SUSD4: variants seen among roughly 807,000 people sequenced by gnomAD.
The protein encoded by SUSD4 is sushi domain-containing protein 4.
In SUSD4, 41 loss-of-function variants were observed where a neutral mutation model predicts 50.5. That is an observed-to-expected ratio of 0.81 (90% CI 0.63 to 1.05). The LOEUF (loss-of-function observed/expected upper bound fraction) is 1.05, where lower values mean the gene tolerates loss of function less well. SUSD4 is among the 50% of genes least tolerant of loss of function. The pLI, the probability that SUSD4 is intolerant of heterozygous loss-of-function variation, is 0.00. For synonymous variants in SUSD4, 257 were observed against 257.3 expected, an observed-to-expected ratio of 1.00 and a Z score of 0.01; for missense variants, 580 against 634.7, an observed-to-expected ratio of 0.91 and a Z score of 0.93.
At chr1:223,279,866 C>A (rs538537922) in intron 3 of SUSD4, among the ~76,000 whole-genome samples, 1 of 152,306 alleles carries the variant, frequency 6.6e-6, no homozygotes, top group East Asian at 1.9e-4. Flanking sequence ...CAAAGGGAAA[C>A]CCATCAGACT....
At chr1:223,359,608 C>G (rs1334560804) in intron 2 of SUSD4, among the ~76,000 whole-genome samples, 1 of 152,174 alleles carries the variant, frequency 6.6e-6, no homozygotes, top group Non-Finnish European at 1.5e-5. Flanking sequence ...TTTTCTTGCT[C>G]TCAATCAAAA....
chr1:223,314,387 G>C (rs1666056466), intron 2 of SUSD4, among the ~76,000 whole-genome samples: 1 of 152,142 alleles, frequency 6.6e-6, no homozygotes, highest in Non-Finnish European at 1.5e-5. Context: ...TCTACAACTT[G>C]TGTCACATCT....
chr1:223,330,925 G>C (rs1423895453), intron 2 of SUSD4, among the ~76,000 whole-genome samples: 1 of 152,198 alleles, frequency 6.6e-6, no homozygotes, highest in Non-Finnish European at 1.5e-5. Context: ...AGAGAGAAGG[G>C]AACAGAAAGC....
chr1:223,322,779 C>A (rs1666653683), intron 2 of SUSD4, among the ~76,000 whole-genome samples: 1 of 152,188 alleles, frequency 6.6e-6, no homozygotes, highest in Admixed American at 6.5e-5. Flanking sequence ...AATCTAACCC[C>A]CTGACTAGGG....
intron 5 of SUSD4, among the ~76,000 whole-genome samples, chr1:223,259,633 G>A (rs1661955544): frequency 6.6e-6 from 1 of 152,120 alleles, no homozygotes; most frequent in African/African-American, 2.4e-5. Context: ...GTTGTGGGTG[G>A]TCCTATCCCC....
At chr1:223,279,202 A>G (rs551016703) in intron 3 of SUSD4, among the ~76,000 whole-genome samples, 110 of 152,332 alleles carry the variant, frequency 7.2e-4, no homozygotes, top group African/African-American at 2.2e-3. Flanking sequence ...CTTGCCACCA[A>G]TGGAACAAAG....
At chr1:223,247,335 T>C (rs1395648037) in intron 5 of SUSD4, among the ~76,000 whole-genome samples, 1 of 152,232 alleles carries the variant, frequency 6.6e-6, no homozygotes, top group Non-Finnish European at 1.5e-5. Context: ...CATGCTTCTC[T>C]GGCTGCCTAG....
At position 223,335,887 on chromosome 1, in the gene SUSD4, G is replaced by A. The variant is rs139412389; in HGVS notation, c.148+27391C>T. ...TGTTGCACTTGACAAATAGGAAATGGTGTTAAGAAAAATTTTTAATTCTTT... is the reference window on the plus strand; with the variant it reads ...TGTTGCACTTGACAAATAGGAAATGATGTTAAGAAAAATTTTTAATTCTTT... On this transcript the variant is annotated intron_variant, in intron 2 of 8. Coordinates refer to ENST00000366878, the MANE Select transcript of SUSD4 (RefSeq NM_017982.4). 5.6e-3 allele frequency among the ~76,000 whole-genome samples: 851 copies of A among 152,152 alleles called. 6 individuals carry two copies. The highest frequency in any genetic ancestry group is 0.02 in the African/African-American group (816 of 41,502).
At chr1:223,264,904 G>T (rs1329374626) in intron 4 of SUSD4, 86 bp from the exon 5 acceptor site, 1 of 1,384,560 alleles carries the variant, frequency 7.2e-7, no homozygotes, top group Non-Finnish European at 9.8e-7. Flanking sequence ...GAACTTTTTA[G>T]GATTCCCCCA....
At chr1:223,243,034 C>T (rs931662194) in intron 5 of SUSD4, among the ~76,000 whole-genome samples, 13 of 152,266 alleles carry the variant, frequency 8.5e-5, no homozygotes, top group African/African-American at 3.1e-4. Context: ...TCCAATTAAG[C>T]GTGTGAGCTG....
chr1:223,330,831 T>C (rs892496578), intron 2 of SUSD4, among the ~76,000 whole-genome samples: 2 of 152,186 alleles, frequency 1.3e-5, no homozygotes, highest in Admixed American at 6.5e-5. Context: ...GGGAGTCTCA[T>C]GGTGGGACAG....
rs189402779 is a variant in SUSD4, at chr1:223,311,476, T to C, written c.149-18825A>G. Among the ~76,000 whole-genome samples, 673 of 152,292 alleles carry C rather than the reference T, an allele frequency of 4.4e-3. 1 individual carries two copies. The highest frequency in any genetic ancestry group is 7.7e-3 in the Non-Finnish European group (523 of 68,042). On this transcript the variant is annotated intron_variant, in intron 2 of 8. Transcript: ENST00000366878. ...ATGATAATAATACTAATAATGACAA[T>C]CACAGTCACTAAAGGGCAGGGAGGT...
chr1:223,309,313 C>T (rs567634309), intron 2 of SUSD4, among the ~76,000 whole-genome samples: 27 of 152,314 alleles, frequency 1.8e-4, no homozygotes, highest in South Asian at 6.2e-4. Context: ...AAAAGGAGTG[C>T]ACTTACACCC....
rs1362357140 is a variant in SUSD4, at chr1:223,220,959, G to C, written c.*1233C>G. On this transcript the variant is annotated 3_prime_UTR_variant, in exon 9 of 9. Coordinates refer to ENST00000366878, the MANE Select transcript of SUSD4 (RefSeq NM_017982.4). ...TTTGTTTACATTTGTCTAAAACCAA[G>C]AGAAGGAAAGGAATCAACTCCACAG... The C allele has an allele frequency of 2.5e-6, 1 of 400,672 alleles. No individual in the cohort carries two copies. The allele number at this position is 400,672 out of a possible 1,614,324, so 24.8% of individuals were successfully genotyped here. A position where few individuals can be genotyped will look rare whatever the true frequency, so the allele number is the denominator to read the frequency against.
At chr1:223,241,987 G>A (rs1660616629) in intron 5 of SUSD4, among the ~76,000 whole-genome samples, 1 of 152,172 alleles carries the variant, frequency 6.6e-6, no homozygotes, top group Non-Finnish European at 1.5e-5. Flanking sequence ...TGTCACCCAG[G>A]CTGGAATGCA....
At chr1:223,233,208 T>C (rs1660005326) in intron 5 of SUSD4, among the ~76,000 whole-genome samples, 1 of 152,190 alleles carries the variant, frequency 6.6e-6, no homozygotes, top group Admixed American at 6.5e-5. Flanking sequence ...GTAATGGAGA[T>C]GCATTTTCCC....
In SUSD4 at chr1:223,229,272, T is replaced by G. The variant is rs973174345; in HGVS notation, c.841A>C (p.Thr281Pro). Residue 281 changes from threonine (T) to proline (P), a missense_variant, in exon 6 of 9, where the codon ACC becomes CCC. Physicochemically the swap from Thr to Pro is conservative, Grantham distance 38. Transcript: ENST00000366878. This position sits in a 1 kb window ranked among gnomAD's most constrained non-coding sequence, Gnocchi z 4.7. ...EFYCDPGYSL[T>P]SDYKYITCQY... ...CAGGTGATGTACTTGTAGTCGCTGG[T>G]GAGGCTGTAGCCAGGATCGCAGTAA... The G allele has an allele frequency of 5.0e-6, 8 of 1,613,138 alleles. No individual in the cohort carries two copies. In the Middle Eastern group the frequency reaches 5.0e-4, roughly 100 times the overall value.
chr1:223,314,152 G>A (rs1462618404), intron 2 of SUSD4, among the ~76,000 whole-genome samples: 5 of 151,966 alleles, frequency 3.3e-5, no homozygotes, highest in Admixed American at 3.3e-4. Flanking sequence ...CCTCTCTTGG[G>A]GTCCGGATCA....
chr1:223,304,328 A>G (rs1300094367), intron 2 of SUSD4, among the ~76,000 whole-genome samples: 1 of 152,142 alleles, frequency 6.6e-6, no homozygotes, highest in Non-Finnish European at 1.5e-5. Flanking sequence ...TCTTTACACA[A>G]TCCTGCATGC....
Sources: gnomAD v4.1 joint callset for allele counts (sites outside exome capture counted in the v4.1 genomes callset) on GRCh38, gnomAD v4.1.1 for gene constraint, Gnocchi (gnomAD v3.1) non-coding constraint, MANE v1.5 for transcripts, NCBI Gene and HGNC (gene_info 2026-07-23, HGNC 2026-07-21) for gene names.